KIF26B: variants seen among roughly 807,000 people sequenced by gnomAD.
The protein encoded by KIF26B is kinesin-like protein KIF26B.
KIF26B carries 63 observed loss-of-function variants against 151.2 expected under a neutral mutation model. The ratio of observed to expected loss-of-function variants is 0.42; its 90% CI spans 0.34 to 0.51. The LOEUF (loss-of-function observed/expected upper bound fraction) is 0.51, where lower values mean the gene tolerates loss of function less well. Among genes scored for constraint, KIF26B ranks in the 20% least tolerant of loss-of-function variants. The pLI is 0.07. For missense variants in KIF26B, 2,813 were observed against 2,913.6 expected (o/e 0.97, Z 0.79); for synonymous variants, 1,357 against 1,262.1 (o/e 1.08, Z -1.59).
At chr1:245,652,565 G>A (rs751513126) in intron 10 of KIF26B, among the ~76,000 whole-genome samples, 1 of 152,124 alleles carries the variant, frequency 6.6e-6, no homozygotes, top group Non-Finnish European at 1.5e-5. Context: ...ATTTTCTTAA[G>A]AGTTGAGGCA....
chr1:245,639,354 T>G (rs1191380354), intron 9 of KIF26B, among the ~76,000 whole-genome samples: 1 of 151,872 alleles, frequency 6.6e-6, no homozygotes, highest in African/African-American at 2.4e-5. Context: ...TTTAGTTGGG[T>G]CTTCTGTTTT....
At chr1:245,610,376 G>A (rs920817560) in intron 8 of KIF26B, among the ~76,000 whole-genome samples, 4 of 152,096 alleles carry the variant, frequency 2.6e-5, no homozygotes, top group Non-Finnish European at 5.9e-5. Flanking sequence ...CTGTCACCTC[G>A]AGGACTTGTT....
At chr1:245,549,161 A>C (rs1283490589) in intron 5 of KIF26B, among the ~76,000 whole-genome samples, 1 of 152,188 alleles carries the variant, frequency 6.6e-6, no homozygotes, top group African/African-American at 2.4e-5. Context: ...GGAGGAGAAG[A>C]AAGATAATTT....
At chr1:245,646,052 C>A (rs566995863) in intron 9 of KIF26B, 69 bp from the exon 10 acceptor site, 2 of 1,509,900 alleles carry the variant, frequency 1.3e-6, no homozygotes, top group Non-Finnish European at 1.8e-6. Flanking sequence ...TCCCAAGGAG[C>A]TACATGAAGA....
intron 2 of KIF26B, among the ~76,000 whole-genome samples, chr1:245,186,024 G>A (rs552189587): frequency 1.0e-3 from 152 of 152,082 alleles, no homozygotes; most frequent in African/African-American, 3.4e-3. Flanking sequence ...ACAGGTGCCC[G>A]CCACCACGTC....
At chr1:245,661,581 C>CA (rs1188205653) in intron 10 of KIF26B, among the ~76,000 whole-genome samples, 50 of 151,182 alleles carry the variant, frequency 3.3e-4, no homozygotes, top group African/African-American at 1.2e-3. Flanking sequence ...TATATACACA[C>CA]CCCCAATATA....
intron 2 of KIF26B, among the ~76,000 whole-genome samples, chr1:245,165,844 T>C (rs1668606841): frequency 6.6e-6 from 1 of 152,148 alleles, no homozygotes; most frequent in Non-Finnish European, 1.5e-5. Flanking sequence ...GAGGAGGTCA[T>C]TGGATGTCTT....
intron 4 of KIF26B, among the ~76,000 whole-genome samples, chr1:245,478,997 A>C (rs902581694): frequency 2.6e-5 from 4 of 151,884 alleles, no homozygotes; most frequent in Non-Finnish European, 5.9e-5. Context: ...CTGCCATTAA[A>C]TGAGATGGGG....
At chr1:245,226,328 C>T (rs1408408910) in intron 2 of KIF26B, among the ~76,000 whole-genome samples, 1 of 152,222 alleles carries the variant, frequency 6.6e-6, no homozygotes, top group Non-Finnish European at 1.5e-5. Context: ...TGTGCATTGT[C>T]TTATTCCCTT....
chr1:245,462,615 C>T (rs1187684268), intron 4 of KIF26B, among the ~76,000 whole-genome samples: 2 of 152,142 alleles, frequency 1.3e-5, no homozygotes, highest in African/African-American at 4.8e-5. Context: ...ACCGTGTTAG[C>T]GATGACAGCC....
At chr1:245,460,750 G>A (rs771815985) in intron 4 of KIF26B, among the ~76,000 whole-genome samples, 3 of 152,192 alleles carry the variant, frequency 2.0e-5, no homozygotes, top group Admixed American at 6.5e-5. Context: ...CCCGTGTATC[G>A]GTGTGGGTAT....
intron 4 of KIF26B, among the ~76,000 whole-genome samples, chr1:245,515,317 T>G (rs1217405741): frequency 6.6e-6 from 1 of 152,162 alleles, no homozygotes; most frequent in East Asian, 1.9e-4. Flanking sequence ...CTATGGCACC[T>G]ACATCTCTCC....
intron 2 of KIF26B, among the ~76,000 whole-genome samples, chr1:245,325,362 C>G (rs1315672287): frequency 6.6e-6 from 1 of 152,204 alleles, no homozygotes; most frequent in African/African-American, 2.4e-5. Flanking sequence ...TAGCTTAAAA[C>G]CAACCTTATT....
Position 245,382,554 on chromosome 1 carries a change from T to TGTG in KIF26B, c.999+15187_999+15188insGTG, listed in dbSNP as rs77670953. Among the ~76,000 whole-genome samples, 120 of 150,008 alleles carry TGTG rather than the reference T, an allele frequency of 8.0e-4. 1 individual carries two copies. Among genetic ancestry groups the TGTG allele is most frequent in the South Asian group, 3.4e-3 (16 of 4,764 alleles). On this transcript the variant is annotated intron_variant, in intron 3 of 14. Coordinates refer to ENST00000407071, the MANE Select transcript of KIF26B (RefSeq NM_018012.4). ...AGGTTTGTGTGTGTGTGTGTGTGTG[T>TGTG]TTTGTTTCTTGTTTTGTTTTGTTTT...
chr1:245,223,275 C>G (rs1295816285), intron 2 of KIF26B, among the ~76,000 whole-genome samples: 1 of 152,178 alleles, frequency 6.6e-6, no homozygotes, highest in Non-Finnish European at 1.5e-5. Context: ...CCTGGATTCA[C>G]TGGTATACTT....
chr1:245,623,611 C>T (rs1054131970), intron 9 of KIF26B, among the ~76,000 whole-genome samples: 3 of 152,040 alleles, frequency 2.0e-5, no homozygotes, highest in Admixed American at 2.0e-4. Context: ...TTTGTGAGCG[C>T]CAAATGACAT....
intron 9 of KIF26B, 125 bp downstream of exon 9, chr1:245,612,101 TGTGTGAGAGAGAGA>T (rs951191372): frequency 1.4e-5 from 7 of 500,654 alleles, no homozygotes; most frequent in African/African-American, 6.8e-5. Context: ...TGTGTGTGTG[TGTGTGAGAGAGAGA>T]GAGAGAGAGA....
Position 245,577,670 on chromosome 1 carries a change from C to CA in KIF26B, c.1351-24907_1351-24906insA, listed in dbSNP as rs2043134971. ...GAACTCCAGGCGATGCATCTCCTCA[C>CA]CGGAAGAGCTTTGTGGAACTCCGGG... On this transcript the variant is annotated intron_variant, in intron 5 of 14. Coordinates refer to ENST00000407071, the MANE Select transcript of KIF26B (RefSeq NM_018012.4). 4.9e-5 allele frequency among the ~76,000 whole-genome samples: 7 copies of CA among 143,216 alleles called. No homozygotes were observed. The South Asian group carries it at 1.4e-3, about 28-fold the overall frequency. 94.0% of individuals were successfully genotyped at this position (143,216 alleles called of 152,430 possible).
At chr1:245,258,782 CG>C (rs1044716553) in intron 2 of KIF26B, among the ~76,000 whole-genome samples, 11 of 152,084 alleles carry the variant, frequency 7.2e-5, no homozygotes, top group Non-Finnish European at 1.3e-4. Flanking sequence ...GCAGGACCCA[CG>C]GGCGGGGGTG....
Sources: allele counts gnomAD v4.1 joint callset (sites outside exome capture counted in the v4.1 genomes callset), GRCh38; gene constraint gnomAD v4.1.1; transcripts MANE v1.5; gene names NCBI Gene and HGNC (gene_info 2026-07-23, HGNC 2026-07-21).